Variants in RBFOX1 observed in about 807,000 individuals in gnomAD.
The protein encoded by RBFOX1 is RNA binding protein fox-1 homolog 1.
A neutral mutation model predicts 57.7 loss-of-function variants in RBFOX1; 8 were observed. The ratio of observed to expected loss-of-function variants is 0.14; its 90% CI spans 0.08 to 0.25. The LOEUF is 0.25. RBFOX1 is among the 10% of genes least tolerant of loss of function. RBFOX1 has a pLI of 1.00. For synonymous variants in RBFOX1, 326 were observed against 222.4 expected (o/e 1.47, Z -4.15); for missense variants, 611 against 548.5 (o/e 1.11, Z -1.14).
intron 3 of RBFOX1, among the ~76,000 whole-genome samples, chr16:7,012,203 G>A (rs1324506434): frequency 6.6e-6 from 1 of 152,146 alleles, no homozygotes. Context: ...GCTCTTGCGG[G>A]TGTTTTTGTT....
At chr16:6,898,952 A>G (rs1209946602) in intron 3 of RBFOX1, among the ~76,000 whole-genome samples, 2 of 151,350 alleles carry the variant, frequency 1.3e-5, no homozygotes. Flanking sequence ...TATGTGTATA[A>G]TACATTGTGT....
intron 1 of RBFOX1, among the ~76,000 whole-genome samples, chr16:6,308,063 ATATTTTATAATCATTTATTCATTTATT>A (rs1181092381): frequency 6.6e-6 from 1 of 150,988 alleles, no homozygotes; most frequent in Non-Finnish European, 1.5e-5. Context: ...TGTTATTTAC[ATATTTTATAATCATTTATTCATTTATT>A]TATTTAGGTT....
chr16:6,749,858 C>T (rs2074568593), intron 3 of RBFOX1, among the ~76,000 whole-genome samples: 1 of 152,148 alleles, frequency 6.6e-6, no homozygotes, highest in South Asian at 2.1e-4. Context: ...AAATAATAGT[C>T]AGCAGGAAAC....
At chr16:6,928,103 C>T (rs2075931757) in intron 3 of RBFOX1, among the ~76,000 whole-genome samples, 1 of 152,138 alleles carries the variant, frequency 6.6e-6, no homozygotes, top group South Asian at 2.1e-4. Context: ...TGGTTCCCTT[C>T]AGTCCCTTCG....
At chr16:5,312,864 A>C (rs2064129667) in intron 1 of RBFOX1, among the ~76,000 whole-genome samples, 1 of 152,178 alleles carries the variant, frequency 6.6e-6, no homozygotes, top group South Asian at 2.1e-4. Flanking sequence ...CAGAATAGAG[A>C]GGCGGACACT....
intron 3 of RBFOX1, among the ~76,000 whole-genome samples, chr16:6,976,943 C>G (rs1465400363): frequency 6.9e-6 from 1 of 145,784 alleles, no homozygotes; most frequent in East Asian, 2.0e-4. Context: ...ATATCATATA[C>G]TATATATCAT....
intron 4 of RBFOX1, among the ~76,000 whole-genome samples, chr16:7,244,688 T>C (rs1041131012): frequency 6.6e-6 from 1 of 152,200 alleles, no homozygotes; most frequent in African/African-American, 2.4e-5. Flanking sequence ...GTGGGTACTT[T>C]CCAGTTTTCA....
At chr16:5,989,712 C>G (rs2060353909) in intron 4 of RBFOX1, among the ~76,000 whole-genome samples, 1 of 151,990 alleles carries the variant, frequency 6.6e-6, no homozygotes, top group Non-Finnish European at 1.5e-5. Flanking sequence ...AAGATGATCT[C>G]ACTCATTTGT....
intron 4 of RBFOX1, among the ~76,000 whole-genome samples, chr16:7,349,484 C>A (rs1415976244): frequency 6.6e-6 from 1 of 152,174 alleles, no homozygotes; most frequent in Non-Finnish European, 1.5e-5. Context: ...AGGATGAGGT[C>A]TGCCAGCCAG....
chr16:7,353,184 C>G (rs1234400627), intron 4 of RBFOX1, among the ~76,000 whole-genome samples: 3 of 152,120 alleles, frequency 2.0e-5, no homozygotes, highest in Admixed American at 1.3e-4. Context: ...AATTGATTCA[C>G]AAAAACCATA....
intron 1 of RBFOX1, among the ~76,000 whole-genome samples, chr16:5,327,076 G>A (rs890074175): frequency 1.3e-5 from 2 of 152,204 alleles, no homozygotes; most frequent in African/African-American, 4.8e-5. Flanking sequence ...AGAACAAGGA[G>A]ATCGGTAGTT....
intron 4 of RBFOX1, among the ~76,000 whole-genome samples, chr16:7,220,889 C>G (rs1034395580): frequency 1.3e-5 from 2 of 152,064 alleles, no homozygotes; most frequent in African/African-American, 4.8e-5. Flanking sequence ...ACTCAGGATA[C>G]TTCTGGGACT....
intron 1 of RBFOX1, among the ~76,000 whole-genome samples, chr16:6,141,299 G>C (rs551322801): frequency 6.6e-6 from 1 of 152,294 alleles, no homozygotes; most frequent in East Asian, 1.9e-4. Context: ...AATGAGGGTT[G>C]TTCTTTTACA....
rs184020940 is a variant in RBFOX1 at position 5,784,404 on chromosome 16, G to A, written c.319-82899G>A. ...ATCGCACCACTGCACTCCAGCCTGG[G>A]CGACAGAGCGAGAGTCCGTCTGAAA... On this transcript the variant is annotated intron_variant, in intron 3 of 19. Coordinates refer to the RBFOX1 transcript ENST00000641259. Among the ~76,000 whole-genome samples the A allele has an allele frequency of 7.2e-3, 1,088 of 151,262 alleles. 15 individuals are homozygous for A. Among genetic ancestry groups the A allele is most frequent in the African/African-American group, 0.025 (1,028 of 41,252 alleles).
intron 1 of RBFOX1, among the ~76,000 whole-genome samples, chr16:5,253,152 C>T (rs199729071): frequency 0.043 from 6,464 of 148,976 alleles, 243 homozygotes; most frequent in East Asian, 0.19. Flanking sequence ...TTTTTTTTTT[C>T]TTTCTTTCTT....
chr16:7,280,366 C>T (rs979200510), intron 4 of RBFOX1, among the ~76,000 whole-genome samples: 4 of 152,158 alleles, frequency 2.6e-5, no homozygotes, highest in Non-Finnish European at 5.9e-5. Context: ...GTAGGTCATC[C>T]CCAACCTGTT....
chr16:6,186,546 C>A (rs1398772959), intron 1 of RBFOX1, among the ~76,000 whole-genome samples: 1 of 151,968 alleles, frequency 6.6e-6, no homozygotes, highest in Non-Finnish European at 1.5e-5. Flanking sequence ...AGTGTGAGGT[C>A]AGGGAAAAGA....
chr16:6,732,553 C>A (rs988142566), intron 3 of RBFOX1, among the ~76,000 whole-genome samples: 2 of 152,320 alleles, frequency 1.3e-5, no homozygotes, highest in South Asian at 2.1e-4. Flanking sequence ...TGCTTTTCAT[C>A]CTGAATAGGC....
At chr16:7,164,435 A>T (rs116750797) in intron 4 of RBFOX1, among the ~76,000 whole-genome samples, 215 of 152,290 alleles carry the variant, frequency 1.4e-3, no homozygotes, top group African/African-American at 4.9e-3. Context: ...TACGTCTACA[A>T]GTGTCTTTTT....
Sources: allele counts gnomAD v4.1 joint callset (sites outside exome capture counted in the v4.1 genomes callset), GRCh38; gene constraint gnomAD v4.1.1; transcripts MANE v1.5; gene names NCBI Gene and HGNC (gene_info 2026-07-23, HGNC 2026-07-21).